The following KALRN variants were observed in gnomAD, a reference collection of about 807,000 sequenced individuals.
KALRN encodes the protein kalirin RhoGEF kinase, also known as kalirin.
In KALRN, 70 loss-of-function variants were observed where a neutral mutation model predicts 353.7. That is an observed-to-expected ratio of 0.20 (90% CI 0.16 to 0.24). The LOEUF (loss-of-function observed/expected upper bound fraction) is 0.24, where lower values mean the gene tolerates loss of function less well. Ranked by LOEUF, KALRN falls within the 10% of genes least tolerant of loss-of-function variation. KALRN has a pLI of 1.00. For missense variants in KALRN, 2,791 were observed against 3,756.7 expected, an observed-to-expected ratio of 0.74 and a Z score of 6.72; for synonymous variants, 1,391 against 1,434.8, an observed-to-expected ratio of 0.97 and a Z score of 0.69.
At chr3:124,108,953 T>G in intron 1 of KALRN, among the ~76,000 whole-genome samples, 1 of 152,284 alleles carries the variant, frequency 6.6e-6, no homozygotes, top group Non-Finnish European at 1.5e-5. Context: ...TGGCTGCAGG[T>G]AATTCAACCC....
chr3:124,295,117 C>A (rs566387177), intron 5 of KALRN, among the ~76,000 whole-genome samples: 2 of 152,224 alleles, frequency 1.3e-5, no homozygotes, highest in Non-Finnish European at 1.5e-5. Flanking sequence ...AGACAGCCAG[C>A]CTTGCAGGGG....
intron 20 of KALRN, among the ~76,000 whole-genome samples, 171 bp downstream of exon 20, chr3:124,446,447 C>G (rs1349886620): frequency 6.6e-6 from 1 of 152,164 alleles, no homozygotes; most frequent in Admixed American, 6.5e-5. Flanking sequence ...TTACCAAGCT[C>G]TATGTTTTGA....
At chr3:124,388,026 G>A (rs968594425) in intron 11 of KALRN, among the ~76,000 whole-genome samples, 4 of 151,952 alleles carry the variant, frequency 2.6e-5, no homozygotes, top group Admixed American at 6.6e-5. Context: ...ATATGTACAT[G>A]TATATGTGTA....
chr3:124,043,884 GAAGT>G (rs2040189302), intron 1 of KALRN, among the ~76,000 whole-genome samples: 1 of 152,160 alleles, frequency 6.6e-6, no homozygotes, highest in African/African-American at 2.4e-5. Context: ...AGCGGGGAAA[GAAGT>G]AAGTGAGGAG....
chr3:124,607,378 T>C (rs333340), intron 34 of KALRN, among the ~76,000 whole-genome samples: 98,575 of 152,084 alleles, frequency 0.65, 32,776 homozygotes, highest in East Asian at 0.83. Context: ...CCAAGATATA[T>C]ACTGAATCAC....
At chr3:124,621,663 A>T (rs1482682327) in intron 34 of KALRN, among the ~76,000 whole-genome samples, 1 of 152,224 alleles carries the variant, frequency 6.6e-6, no homozygotes, top group African/African-American at 2.4e-5. Context: ...TGCTGTCACC[A>T]TAGCAGCTAT....
chr3:124,585,830 C>A (rs1014885367), intron 34 of KALRN, among the ~76,000 whole-genome samples: 1 of 152,160 alleles, frequency 6.6e-6, no homozygotes, highest in African/African-American at 2.4e-5. Flanking sequence ...TGGCCTCCAC[C>A]CCCATTTACA....
At chr3:124,046,158 T>C (rs1174333567) in intron 1 of KALRN, among the ~76,000 whole-genome samples, 1 of 152,192 alleles carries the variant, frequency 6.6e-6, no homozygotes, top group Non-Finnish European at 1.5e-5. Context: ...GGTCCAGTGA[T>C]TTTTTCTTTC....
chr3:124,608,936 C>T (rs1224984988), intron 34 of KALRN, among the ~76,000 whole-genome samples: 3 of 152,102 alleles, frequency 2.0e-5, no homozygotes, highest in Non-Finnish European at 2.9e-5. Flanking sequence ...TTTTCTTGAG[C>T]GCTGGGAGCC....
At chr3:124,645,626 T>TTCTCTCTC (rs71145472) in intron 37 of KALRN, among the ~76,000 whole-genome samples, 35 of 133,552 alleles carry the variant, frequency 2.6e-4, no homozygotes, top group South Asian at 2.2e-3. Context: ...TGAATAATAT[T>TTCTCTCTC]TCTCTCTCTC....
chr3:124,264,790 C>A, intron 4 of KALRN, 100 bp downstream of exon 4: 1 of 1,035,300 alleles, frequency 9.7e-7, no homozygotes, highest in Non-Finnish European at 1.5e-6. Context: ...CAGTATGTGA[C>A]ACCTCAAGGG....
At position 124,490,729 on chromosome 3, in the gene KALRN, A is replaced by G. The variant is rs1481612331; in HGVS notation, c.4432A>G (p.Ile1478Val). ...DENLDVQGEL[I>V]LQDAFQVWDP... ...GAACCTGGATGTGCAGGGGGAGTTGATTCTCCAGGATGCCTTTCAAGTGTG... is the reference window on the plus strand; with the variant it reads ...GAACCTGGATGTGCAGGGGGAGTTGGTTCTCCAGGATGCCTTTCAAGTGTG... The change falls in exon 30 of 60, where the codon ATT becomes GTT. Residue 1478 changes from isoleucine (I) to valine (V), a missense_variant. This residue lies in a region of KALRN where 239 missense variants were observed against 351.3 expected (regional missense o/e 0.68). Coordinates refer to ENST00000682506, the MANE Select transcript of KALRN (RefSeq NM_001388419.1). 6.2e-7 allele frequency: 1 copy of G among 1,613,522 alleles called. No homozygotes were observed. Among genetic ancestry groups the G allele is most frequent in the East Asian group, 2.2e-5 (1 of 44,876 alleles).
At chr3:124,467,053 C>T (rs1273074589) in intron 25 of KALRN, among the ~76,000 whole-genome samples, 2 of 152,230 alleles carry the variant, frequency 1.3e-5, no homozygotes, top group Non-Finnish European at 2.9e-5. Context: ...CACACTCCCT[C>T]CCTCCAGGCT....
chr3:124,062,964 C>T (rs771686392), intron 1 of KALRN, among the ~76,000 whole-genome samples: 7 of 152,282 alleles, frequency 4.6e-5, no homozygotes, highest in Non-Finnish European at 7.4e-5. Flanking sequence ...TGTAAGAACA[C>T]ATGTCTGAAT....
intron 33 of KALRN, among the ~76,000 whole-genome samples, chr3:124,560,345 G>A (rs982806204): frequency 3.3e-5 from 5 of 152,270 alleles, no homozygotes; most frequent in Admixed American, 1.3e-4. Flanking sequence ...TGGCGTGGTC[G>A]CAGAGGAGCA....
intron 5 of KALRN, among the ~76,000 whole-genome samples, chr3:124,296,788 CTGTCGCT>C (rs2076882063): frequency 6.6e-6 from 1 of 152,244 alleles, no homozygotes; most frequent in Non-Finnish European, 1.5e-5. Context: ...TATCCCAGTT[CTGTCGCT>C]TTGCCTGAGC....
At chr3:124,438,572 T>C (rs1468639648) in intron 17 of KALRN, among the ~76,000 whole-genome samples, 1 of 150,716 alleles carries the variant, frequency 6.6e-6, no homozygotes, top group Non-Finnish European at 1.5e-5. Context: ...TGTGAGATTA[T>C]AACAATATAA....
At chr3:124,410,280 AC>A (rs781289745) in intron 13 of KALRN, 1 of 532,898 alleles carries the variant, frequency 1.9e-6, no homozygotes, top group South Asian at 1.4e-5. Flanking sequence ...GCAAATAGAT[AC>A]CTCAGACTCA....
intron 34 of KALRN, among the ~76,000 whole-genome samples, chr3:124,607,060 C>T: frequency 6.6e-6 from 1 of 152,196 alleles, no homozygotes; most frequent in East Asian, 1.9e-4. Context: ...CTCATCAATA[C>T]CACTTCTTGT....
Sources: allele counts gnomAD v4.1 joint callset (sites outside exome capture counted in the v4.1 genomes callset), GRCh38; gene constraint gnomAD v4.1.1; regional missense constraint gnomAD v4.1.1; transcripts MANE v1.5; gene names NCBI Gene and HGNC (gene_info 2026-07-23, HGNC 2026-07-21).